TRPM6: variants seen among roughly 807,000 people sequenced by gnomAD.
The protein encoded by TRPM6 is channel kinase 2.
Under a neutral mutation model 247.6 loss-of-function variants are expected in TRPM6, and 111 were observed. The observed-to-expected ratio is 0.45, with a 90% CI of 0.38 to 0.52. The LOEUF (loss-of-function observed/expected upper bound fraction) is 0.52, where lower values mean the gene tolerates loss of function less well. Ranked by LOEUF, TRPM6 falls within the 20% of genes least tolerant of loss-of-function variation. The probability of loss-of-function intolerance (pLI) is 0.00; values close to 1 mark genes in which losing one functional copy is unlikely to be tolerated. For missense variants in TRPM6, 2,126 were observed against 2,421.5 expected (o/e 0.88, Z 2.56); for synonymous variants, 892 against 853.8 (o/e 1.04, Z -0.78).
At chr9:74,799,384 G>A (rs1218753932) in intron 17 of TRPM6, among the ~76,000 whole-genome samples, 1 of 151,960 alleles carries the variant, frequency 6.6e-6, no homozygotes, top group African/African-American at 2.4e-5. Context: ...ACTTAGGTTT[G>A]ATGTCAAAGA....
At chr9:74,725,881 T>C (rs909291176) in intron 38 of TRPM6, among the ~76,000 whole-genome samples, 5 of 152,240 alleles carry the variant, frequency 3.3e-5, no homozygotes, top group Admixed American at 3.3e-4. Context: ...AAACAGGTGC[T>C]ATTATGCCTG....
intron 23 of TRPM6, among the ~76,000 whole-genome samples, chr9:74,780,154 A>G (rs1755217197): frequency 1.3e-5 from 2 of 149,116 alleles, no homozygotes; most frequent in African/African-American, 5.0e-5. Context: ...CCTGGACAAC[A>G]GAGAGAGACT....
At chr9:74,820,126 T>C in intron 9 of TRPM6, 178 bp downstream of exon 9, 1 of 664,954 alleles carries the variant, frequency 1.5e-6, no homozygotes, top group South Asian at 1.8e-5. Flanking sequence ...TATTAAGATC[T>C]CCATGCATTA....
chr9:74,801,119 G>C (rs1303713963), intron 16 of TRPM6, among the ~76,000 whole-genome samples: 2 of 151,812 alleles, frequency 1.3e-5, no homozygotes, highest in Non-Finnish European at 2.9e-5. Context: ...TGTCTTTTTG[G>C]TAGAGACAGG....
chr9:74,886,130 C>A (rs1455580657), intron 1 of TRPM6, among the ~76,000 whole-genome samples: 1 of 152,158 alleles, frequency 6.6e-6, no homozygotes, highest in African/African-American at 2.4e-5. Context: ...GTATAATGAT[C>A]TCAAATGCTA....
intron 17 of TRPM6, chr9:74,799,974 C>T (rs970528428): frequency 7.9e-5 from 36 of 457,992 alleles, no homozygotes; most frequent in Admixed American, 1.0e-4. Flanking sequence ...GCTGGCTAGG[C>T]AGGTGTCCCC....
rs1828705545 is a variant in TRPM6, at chr9:74,810,871, G to A, written c.1444-3C>T. On this transcript the variant is annotated splice_region_variant and splice_polypyrimidine_tract_variant and intron_variant, in intron 12 of 38. Transcript: ENST00000360774. ...AGTGTATTAGTAGGTCCTTGTTTCT[G>A]AAATAAAGAACAAAAGGAAGAATTA... 1.2e-6 allele frequency: 2 copies of A among 1,612,528 alleles called. No homozygotes were observed. Among genetic ancestry groups the A allele is most frequent in the Non-Finnish European group, 1.7e-6 (2 of 1,178,864 alleles).
At position 74,792,717 on chromosome 9, in the gene TRPM6, A is replaced by G. The variant is rs200248159; in HGVS notation, c.2445T>C (p.His815=). 163 of 1,613,932 alleles carry G rather than the reference A, an allele frequency of 1.0e-4. No individual in the cohort carries two copies. Among genetic ancestry groups the G allele is most frequent in the Non-Finnish European group, 2.5e-5 (29 of 1,179,826 alleles). ...GTTGGTGCCCACTTTCCAAACCAAA[A>G]TGCTGATTTTCATCCAGTTTCTCAT... ...GHDEKLDENQ[H]FGLESGHQHL... is the part of the protein sequence containing the mutation. The change falls in exon 19 of 39, where the codon CAT becomes CAC. Residue 815 remains histidine, a synonymous_variant. Transcript: ENST00000360774.
chr9:74,887,432 G>A, intron 1 of TRPM6: 1 of 1,169,014 alleles, frequency 8.6e-7, no homozygotes, highest in Non-Finnish European at 1.2e-6. Flanking sequence ...CGGATTCTCA[G>A]CTCAAGCCAC....
intron 4 of TRPM6, among the ~76,000 whole-genome samples, chr9:74,840,763 G>C (rs1261505904): frequency 6.7e-6 from 1 of 148,574 alleles, no homozygotes; most frequent in Non-Finnish European, 1.5e-5. Flanking sequence ...GTTGCAGTGA[G>C]CTGAGATCAT....
chr9:74,813,647 G>T (rs892975479), intron 11 of TRPM6, among the ~76,000 whole-genome samples: 2 of 152,112 alleles, frequency 1.3e-5, no homozygotes, highest in African/African-American at 4.8e-5. Flanking sequence ...CCAACTACAG[G>T]CTCGGAATTT....
At position 74,739,775 on chromosome 9, in the gene TRPM6, C is replaced by T. The variant is rs374306900; in HGVS notation, c.5435G>A (p.Arg1812Gln). 9 of 1,613,918 alleles carry T rather than the reference C, an allele frequency of 5.6e-6. No individual in the cohort carries two copies. The highest frequency in any genetic ancestry group is 3.3e-5 in the South Asian group (3 of 91,074). Reference protein sequence around the residue: ...IVKSFLPEVVRTWHKIFQEST... With the variant: ...IVKSFLPEVVQTWHKIFQEST... ...CTCCTGGAAGATTTTATGCCATGTC[C>T]GCACAACCTCAGGAAGAAAGGACTT... is the stretch of plus-strand genomic sequence containing the variant. Residue 1812 changes from arginine (R) to glutamine (Q), a missense_variant, in exon 34 of 39, where the codon CGG becomes CAG. By Grantham distance (43) the Arg-to-Gln change is conservative. Around this residue, in one of 3 missense-constraint regions of TRPM6, gnomAD observed 327 missense variants for 397.7 expected, o/e 0.82. Transcript: ENST00000360774.
In TRPM6 at chr9:74,820,478, G is replaced by A. The variant is rs73534367; in HGVS notation, c.1011-51C>T. On this transcript the variant is annotated intron_variant, in intron 8 of 38. Coordinates refer to ENST00000360774, the MANE Select transcript of TRPM6 (RefSeq NM_017662.5). The stretch of plus-strand genomic sequence containing the variant: ...CACAACCCAGAGAGGGGAATGAGCC[G>A]GCAACATCAGTACAAGAAAACACCC... 2.2e-3 allele frequency: 3,482 copies of A among 1,610,840 alleles called. 71 individuals are homozygous for A. The African/African-American group carries it at 0.041, about 19-fold the overall frequency.
intron 37 of TRPM6, among the ~76,000 whole-genome samples, 196 bp from the exon 38 acceptor site, chr9:74,728,541 C>G (rs1334039931): frequency 6.6e-6 from 1 of 152,162 alleles, no homozygotes; most frequent in African/African-American, 2.4e-5. Context: ...TCTTTGCTCC[C>G]AACTCCAAGA....
intron 15 of TRPM6, among the ~76,000 whole-genome samples, chr9:74,803,522 C>T (rs903800285): frequency 2.0e-5 from 3 of 151,978 alleles, no homozygotes; most frequent in Non-Finnish European, 2.9e-5. Flanking sequence ...TTTTAAGTAC[C>T]ATCCCATAGA....
chr9:74,725,882 A>G (rs1825301834), intron 38 of TRPM6, among the ~76,000 whole-genome samples: 1 of 152,228 alleles, frequency 6.6e-6, no homozygotes, highest in Non-Finnish European at 1.5e-5. Flanking sequence ...AACAGGTGCT[A>G]TTATGCCTGG....
At chr9:74,737,065 G>A (rs1451838241) in intron 36 of TRPM6, among the ~76,000 whole-genome samples, 1 of 151,932 alleles carries the variant, frequency 6.6e-6, no homozygotes, top group Non-Finnish European at 1.5e-5. Flanking sequence ...TCTCCAATTT[G>A]AGCTACAAAA....
chr9:74,747,913 G>T lies in TRPM6; in HGVS notation c.5059C>A (p.Leu1687Met). Residue 1687 changes from leucine to methionine, a missense_variant and splice_region_variant, in exon 31 of 39, where the codon CTG becomes ATG. By Grantham distance (15) the Leu-to-Met change is conservative (BLOSUM62 2). Coordinates refer to ENST00000360774, the MANE Select transcript of TRPM6 (RefSeq NM_017662.5). ...RSTNLNRNSL[L>M]KSSIGVDKIS... ...CTGTCAACTCCAATTGAACTTTTCA[G>T]CCTGTTTGAAAAAAAAATGAAGTTG... The T allele has an allele frequency of 6.2e-7, 1 of 1,610,934 alleles. No individual in the cohort carries two copies. Among genetic ancestry groups the T allele is most frequent in the South Asian group, 1.1e-5 (1 of 90,668 alleles).
At chr9:74,740,174 T>C (rs1312968962) in intron 33 of TRPM6, among the ~76,000 whole-genome samples, 165 bp from the exon 34 acceptor site, 6 of 152,218 alleles carry the variant, frequency 3.9e-5, no homozygotes, top group South Asian at 2.1e-4. Context: ...AGGCTGGCCA[T>C]GTTTCCATGT....
Sources: allele counts gnomAD v4.1 joint callset (sites outside exome capture counted in the v4.1 genomes callset), GRCh38; gene constraint gnomAD v4.1.1; regional missense constraint gnomAD v4.1.1; transcripts MANE v1.5; gene names NCBI Gene and HGNC (gene_info 2026-07-23, HGNC 2026-07-21).